NLRP12: variants seen among roughly 807,000 people sequenced by gnomAD.
NLRP12 encodes the protein NACHT, LRR and PYD domains-containing protein 12.
A neutral mutation model predicts 91.2 loss-of-function variants in NLRP12; 108 were observed. That is an observed-to-expected ratio of 1.18 (90% CI 1.01 to 1.39). NLRP12 has a LOEUF of 1.39. Ranked by LOEUF, NLRP12 falls within the 40% of genes most tolerant of loss-of-function variation. NLRP12 has a pLI of 0.00. For synonymous variants in NLRP12, 613 were observed against 566.7 expected, an observed-to-expected ratio of 1.08 and a Z score of -1.16; for missense variants, 1,530 against 1,352.7, an observed-to-expected ratio of 1.13 and a Z score of -2.06.
chr19:53,805,149 G>A, intron 5 of NLRP12, 131 bp downstream of exon 5: 2 of 922,476 alleles, frequency 2.2e-6, no homozygotes, highest in Non-Finnish European at 3.4e-6. Flanking sequence ...CAGGGCCAGG[G>A]TCTTAGGTCA....
In NLRP12 at chr19:53,807,728, C is replaced by T. The variant is rs570796232; in HGVS notation, c.2073-63G>A. 1.6e-4 allele frequency: 244 copies of T among 1,566,422 alleles called. 2 individuals are homozygous for T. In the South Asian group the frequency reaches 2.6e-3, roughly 17 times the overall value. On this transcript the variant is annotated intron_variant, in intron 3 of 9. Transcript: ENST00000324134. ...TGGTGCTTGACAACTATGGCCTTTGCATGTCATTTCACCGTTTATGAAGCA... is the reference window on the plus strand; with the variant it reads ...TGGTGCTTGACAACTATGGCCTTTGTATGTCATTTCACCGTTTATGAAGCA...
rs2092049618 is a variant in NLRP12 at position 53,810,459 on chromosome 19, CA to C, written c.1199del (p.Met400SerfsTer25). ...YVRDNEPLFT[M>X]CFVPLVCWVV... ...CCCAGCACACCAGGGGGACGAAGCA[CA>C]TGGTGAAGAGAGGCTCGTTGTCCCT... On this transcript the variant is annotated frameshift_variant, in exon 3 of 10. Coordinates refer to ENST00000324134, the MANE Select transcript of NLRP12 (RefSeq NM_144687.4). LOFTEE classifies it high-confidence loss of function. The C allele has an allele frequency of 1.2e-6, 2 of 1,614,134 alleles. No individual in the cohort carries two copies. The highest frequency in any genetic ancestry group is 2.7e-5 in the African/African-American group (2 of 75,048).
At chr19:53,803,746 G>A in intron 6 of NLRP12, 1 of 553,078 alleles carries the variant, frequency 1.8e-6, no homozygotes, top group Non-Finnish European at 3.4e-6. Flanking sequence ...GCTAATTTTT[G>A]TATCTTTAGT....
At position 53,810,186 on chromosome 19, in the gene NLRP12, G is replaced by C; in HGVS notation, c.1473C>G (p.Val491=). ...AGATGTTCATGTTGAGGAAGGCAGA[G>C]ACGTCTTCCCCGTCTAGGCCGTGCT... ...LRKHGLDGED[V]SAFLNMNIFQ... is the part of the protein sequence containing the mutation. Residue 491 remains valine, a synonymous_variant, in exon 3 of 10, where the codon GTC becomes GTG. Coordinates refer to ENST00000324134, the MANE Select transcript of NLRP12 (RefSeq NM_144687.4). 2 of 1,614,186 alleles carry C rather than the reference G, an allele frequency of 1.2e-6. No homozygotes were observed. The highest frequency in any genetic ancestry group is 1.7e-6 in the Non-Finnish European group (2 of 1,180,026).
At chr19:53,808,947 AC>A (rs2092006693) in intron 3 of NLRP12, among the ~76,000 whole-genome samples, 2 of 151,904 alleles carry the variant, frequency 1.3e-5, no homozygotes, top group Admixed American at 1.3e-4. Context: ...GAGCAAAATC[AC>A]CCCCAGCTGA....
chr19:53,816,908 T>C (rs1363750788), intron 1 of NLRP12, among the ~76,000 whole-genome samples: 3 of 151,898 alleles, frequency 2.0e-5, no homozygotes, highest in Admixed American at 2.0e-4. Context: ...AATTGTTTAA[T>C]GGGTATCGAG....
In NLRP12 at chr19:53,794,142, G is replaced by A; in HGVS notation, c.3099-6C>T. 6.3e-7 allele frequency: 1 copy of A among 1,596,612 alleles called. No individual in the cohort carries two copies. Reference sequence around the variant, plus strand: ...TCAGGTCCATCCCAAATAACCTGTGGACACAAGAGTTGATATTATTCCAGT... The same window carrying A: ...TCAGGTCCATCCCAAATAACCTGTGAACACAAGAGTTGATATTATTCCAGT... On this transcript the variant is annotated splice_region_variant and splice_polypyrimidine_tract_variant and intron_variant, in intron 9 of 9. Transcript: ENST00000324134.
chr19:53,796,499 A>G (rs2091763571), intron 8 of NLRP12, among the ~76,000 whole-genome samples: 1 of 151,788 alleles, frequency 6.6e-6, no homozygotes, highest in African/African-American at 2.4e-5. Context: ...CGCCCGCCTC[A>G]GCCTCCCAAA....
At position 53,798,296 on chromosome 19, in the gene NLRP12, C is replaced by T. The variant is rs1352087096; in HGVS notation, c.2874G>A (p.Leu958=). The T allele has an allele frequency of 1.2e-6, 2 of 1,614,186 alleles. No homozygotes were observed. The highest frequency in any genetic ancestry group is 2.2e-5 in the South Asian group (2 of 91,088). ...GTTGCAGCCCCTCAGCCAGCAACCA[C>T]AGGCCCCAGTCTCCCAGGTCGTTGA... ...LSFNDLGDWG[L]WLLAEGLQHP... is the part of the protein sequence containing the mutation. The change falls in exon 8 of 10, where the codon CTG becomes CTA. Residue 958 remains leucine, a synonymous_variant. Coordinates refer to ENST00000324134, the MANE Select transcript of NLRP12 (RefSeq NM_144687.4).
At chr19:53,795,827 T>C in intron 9 of NLRP12, 32 bp downstream of exon 9, 2 of 1,608,226 alleles carry the variant, frequency 1.2e-6, no homozygotes, top group Non-Finnish European at 1.7e-6. Flanking sequence ...ATGTCCAGCC[T>C]CCTCCAGAAA....
intron 1 of NLRP12, among the ~76,000 whole-genome samples, chr19:53,818,521 C>T (rs745605971): frequency 1.3e-5 from 2 of 151,710 alleles, no homozygotes; most frequent in African/African-American, 4.8e-5. Context: ...CGAAATTAGC[C>T]GGGCGTGGTG....
intron 6 of NLRP12, among the ~76,000 whole-genome samples, chr19:53,802,496 A>G (rs1487566470): frequency 6.6e-6 from 1 of 151,598 alleles, no homozygotes; most frequent in Admixed American, 6.6e-5. Flanking sequence ...TCACGAGGTC[A>G]GGAGATCGAG....
Position 53,818,147 on chromosome 19 carries a change from G to T in NLRP12, c.290-3159C>A, listed in dbSNP as rs371455141. The stretch of plus-strand genomic sequence containing the variant: ...TGCTCAGGCTGGAGTAGTGTGGCAT[G>T]ATCTTGGCTCACTGCAGCCTTCACC... On this transcript the variant is annotated intron_variant, in intron 1 of 9. Transcript: ENST00000324134. Among the ~76,000 whole-genome samples, 14 of 150,590 alleles carry T rather than the reference G, an allele frequency of 9.3e-5. No individual in the cohort carries two copies. The East Asian group carries it at 2.5e-3, about 27-fold the overall frequency.
In NLRP12 at chr19:53,801,323, C is replaced by T. The variant is rs1171687972; in HGVS notation, c.2660G>A (p.Arg887Lys). ...CTCATTCAGGCTCAGGTCCAGCTCT[C>T]TCAGGCTCTGGTTCACACTGAGAGT... ...ASTLSVNQSL[R>K]ELDLSLNELG... is the part of the protein sequence containing the mutation. Residue 887 changes from arginine (R) to lysine (K), a missense_variant, in exon 7 of 10, where the codon AGA (arginine) becomes AAA (lysine). Physicochemically the swap from Arg to Lys is conservative, Grantham distance 26 (BLOSUM62 2). Coordinates refer to ENST00000324134, the MANE Select transcript of NLRP12 (RefSeq NM_144687.4). 1 of 1,613,936 alleles carries T rather than the reference C, an allele frequency of 6.2e-7. No individual in the cohort carries two copies. Among genetic ancestry groups the T allele is most frequent in the Non-Finnish European group, 8.5e-7 (1 of 1,180,026 alleles).
intron 1 of NLRP12, among the ~76,000 whole-genome samples, chr19:53,823,128 T>TATACACACACACATATATATACACATAA (rs2092283922): frequency 6.7e-6 from 1 of 149,150 alleles, no homozygotes; most frequent in African/African-American, 2.5e-5. Flanking sequence ...TATACACATA[T>TATACACACACACATATATATACACATAA]ATACACATAT....
Position 53,801,380 on chromosome 19 carries a change from A to C in NLRP12, c.2603T>G (p.Leu868Arg), listed in dbSNP as rs1244939281. ...CAGCTCGTCACAGGCAGCAGCAGTG[A>C]GGCGGCAGATCTTCAGCCTGCACAA... Reference protein sequence around the residue: ...LRTLWLKICRLTAAACDELAS... With the variant: ...LRTLWLKICRRTAAACDELAS... The change falls in exon 7 of 10, where the codon CTC (leucine) becomes CGC (arginine). Residue 868 changes from leucine (L) to arginine (R), a missense_variant. Coordinates refer to ENST00000324134, the MANE Select transcript of NLRP12 (RefSeq NM_144687.4). The C allele has an allele frequency of 1.9e-6, 3 of 1,608,920 alleles. No individual in the cohort carries two copies. Among genetic ancestry groups the C allele is most frequent in the Non-Finnish European group, 2.5e-6 (3 of 1,177,948 alleles).
intron 1 of NLRP12, among the ~76,000 whole-genome samples, chr19:53,819,777 C>T (rs1163073402): frequency 2.0e-5 from 3 of 148,672 alleles, no homozygotes; most frequent in Non-Finnish European, 4.4e-5. Context: ...AGTGCAGTGG[C>T]GGGATCTTGG....
intron 2 of NLRP12, 69 bp downstream of exon 2, chr19:53,814,839 G>T: frequency 1.6e-6 from 2 of 1,238,888 alleles, no homozygotes; most frequent in South Asian, 1.2e-5. Flanking sequence ...GTTTGTGGTT[G>T]GCCTACACTC....
rs765562062 is a variant in NLRP12 at position 53,810,798 on chromosome 19, C to T, written c.861G>A (p.Glu287=). The T allele has an allele frequency of 6.2e-6, 10 of 1,614,074 alleles. No individual in the cohort carries two copies. Among genetic ancestry groups the T allele is most frequent in the Non-Finnish European group, 8.5e-6 (10 of 1,180,036 alleles). ...AGCCGTCGATGATGAAAAGGAGGCG[C>T]TCGGGAACTCGGATGAGCTCCTGGA... ...APLQELIRVP[E]RLLFIIDGFD... is the part of the protein sequence containing the mutation. Residue 287 remains glutamate (E), a synonymous_variant, in exon 3 of 10, where the codon GAG becomes GAA. Coordinates refer to ENST00000324134, the MANE Select transcript of NLRP12 (RefSeq NM_144687.4).
Sources: gnomAD v4.1 joint callset for allele counts (sites outside exome capture counted in the v4.1 genomes callset) on GRCh38, gnomAD v4.1.1 for gene constraint, MANE v1.5 for transcripts, NCBI Gene and HGNC (gene_info 2026-07-23, HGNC 2026-07-21) for gene names.